Variants in MCF2L observed in about 807,000 individuals in gnomAD.
The protein encoded by MCF2L is MCF.2 cell line derived transforming sequence like.
MCF2L carries 97 observed loss-of-function variants against 153.4 expected under a neutral mutation model. The observed-to-expected ratio is 0.63, with a 90% CI of 0.54 to 0.75. MCF2L has a LOEUF of 0.75. Ranked by LOEUF, MCF2L falls within the 30% of genes least tolerant of loss-of-function variation. MCF2L has a pLI of 0.00. For synonymous variants in MCF2L, 659 were observed against 632.2 expected (o/e 1.04, Z -0.64); for missense variants, 1,347 against 1,495.2 (o/e 0.90, Z 1.64).
chr13:113,075,901 C>G, intron 11 of MCF2L, 65 bp from the exon 12 acceptor site: 1 of 1,345,842 alleles, frequency 7.4e-7, no homozygotes, highest in South Asian at 1.4e-5. Context: ...CAGTGTGTGC[C>G]TGGACAGGGT....
In MCF2L at chr13:113,097,264, C is replaced by G. The variant is rs1341007821; in HGVS notation, c.*405C>G. 5.6e-6 allele frequency: 1 copy of G among 178,982 alleles called. No individual in the cohort carries two copies. Among genetic ancestry groups the G allele is most frequent in the Non-Finnish European group, 1.2e-5 (1 of 86,088 alleles). 11.1% of individuals were successfully genotyped at this position (178,982 alleles called of 1,614,324 possible). A position where few individuals can be genotyped will look rare whatever the true frequency, so the allele number is the denominator to read the frequency against. On this transcript the variant is annotated 3_prime_UTR_variant, in exon 30 of 30. Coordinates refer to ENST00000535094, the MANE Select transcript of MCF2L (RefSeq NM_001112732.3). ...AGAGCGGGGCACGGGGTCTCTTTAG[C>G]TTTTACAAGTTTTAGGATTTTTTCA...
intron 9 of MCF2L, among the ~76,000 whole-genome samples, chr13:113,071,141 G>A (rs926312376): frequency 6.6e-6 from 1 of 152,094 alleles, no homozygotes; most frequent in Admixed American, 6.5e-5. Context: ...CCCCAGTGTT[G>A]ATGGTGCTAA....
At chr13:113,033,553 A>AG (rs982420301) in intron 3 of MCF2L, among the ~76,000 whole-genome samples, 3 of 152,112 alleles carry the variant, frequency 2.0e-5, no homozygotes, top group Non-Finnish European at 4.4e-5. Context: ...ACTGCTGTAA[A>AG]GGGTCGCCCC....
intron 18 of MCF2L, 67 bp from the exon 19 acceptor site, chr13:113,084,825 C>T (rs1041725270): frequency 2.2e-5 from 26 of 1,205,706 alleles, no homozygotes; most frequent in East Asian, 4.7e-5. Flanking sequence ...ATGCGGTGCC[C>T]GTCCCTCACC....
intron 26 of MCF2L, 178 bp downstream of exon 26, chr13:113,089,906 T>C: frequency 6.2e-7 from 1 of 1,603,624 alleles, no homozygotes; most frequent in Non-Finnish European, 8.5e-7. Flanking sequence ...AGCCCCTCCC[T>C]CTCCATTGCT....
intron 2 of MCF2L, among the ~76,000 whole-genome samples, chr13:112,910,850 G>T (rs2081223525): frequency 6.6e-6 from 1 of 152,236 alleles, no homozygotes; most frequent in Non-Finnish European, 1.5e-5. Context: ...GACCTGGGGG[G>T]TGTTAATTAC....
intron 2 of MCF2L, among the ~76,000 whole-genome samples, chr13:112,928,711 C>T (rs142559505): frequency 6.6e-6 from 1 of 152,212 alleles, no homozygotes; most frequent in Non-Finnish European, 1.5e-5. Context: ...GACTAAGAGA[C>T]ACATGTAAAA....
Position 113,010,936 on chromosome 13 carries a change from C to T in MCF2L, c.80-3827C>T, listed in dbSNP as rs560570331. ...GAGTGGCCACTATTGTTCCTCCGTG[C>T]GCTTCTTAGTCTTATGGCTGCAAAA... On this transcript the variant is annotated intron_variant, in intron 1 of 29. Transcript: ENST00000535094. Among the ~76,000 whole-genome samples, 4 of 152,328 alleles carry T rather than the reference C, an allele frequency of 2.6e-5. No homozygotes were observed. In the South Asian group the frequency reaches 6.2e-4, roughly 24 times the overall value.
intron 13 of MCF2L, among the ~76,000 whole-genome samples, chr13:113,077,491 T>A (rs1594949946): frequency 6.6e-6 from 1 of 152,160 alleles, no homozygotes; most frequent in Non-Finnish European, 1.5e-5. Flanking sequence ...GCTGGCAGGG[T>A]TCAGTGGTCT....
chr13:113,072,928 A>T (rs1315024887), intron 9 of MCF2L, among the ~76,000 whole-genome samples: 4 of 152,038 alleles, frequency 2.6e-5, no homozygotes, highest in Non-Finnish European at 4.4e-5. Flanking sequence ...CTTTTCTAAC[A>T]TACATATTTA....
intron 2 of MCF2L, among the ~76,000 whole-genome samples, chr13:112,937,064 T>C (rs1438361015): frequency 6.6e-6 from 1 of 152,200 alleles, no homozygotes; most frequent in Admixed American, 6.5e-5. Flanking sequence ...ATTTTTTTAT[T>C]TATTTTTGAG....
At chr13:113,092,222 C>A (rs114371548) in intron 26 of MCF2L, among the ~76,000 whole-genome samples, 1 of 152,252 alleles carries the variant, frequency 6.6e-6, no homozygotes, top group Non-Finnish European at 1.5e-5. Flanking sequence ...GGCCAAATGC[C>A]GCTTCTGCTG....
At chr13:113,018,817 G>C (rs371003813) in intron 2 of MCF2L, among the ~76,000 whole-genome samples, 4 of 152,236 alleles carry the variant, frequency 2.6e-5, no homozygotes, top group African/African-American at 9.6e-5. Context: ...GCCACTGTGC[G>C]TCTCACTCCC....
intron 15 of MCF2L, among the ~76,000 whole-genome samples, chr13:113,079,377 C>T (rs910857630): frequency 2.0e-5 from 3 of 151,476 alleles, no homozygotes; most frequent in Admixed American, 6.6e-5. Context: ...CAGAGGCCCT[C>T]GAGGAAGAGG....
At chr13:112,940,667 A>G (rs1291809849) in intron 2 of MCF2L, among the ~76,000 whole-genome samples, 1 of 152,242 alleles carries the variant, frequency 6.6e-6, no homozygotes, top group Non-Finnish European at 1.5e-5. Flanking sequence ...TTGCAGTTAG[A>G]ATATATTGTT....
At chr13:113,032,973 ACCCTGTGATGTGAGTGGC>A (rs2085822850) in intron 3 of MCF2L, among the ~76,000 whole-genome samples, 1 of 104,606 alleles carries the variant, frequency 9.6e-6, no homozygotes. Context: ...ATGTGAGTGG[ACCCTGTGATGTGAGTGGC>A]CCCCGTGATG....
rs1290571582 is a variant in MCF2L at position 113,028,351 on chromosome 13, CCT to C, written c.278+3596_278+3597del. ...GGCGGCACGTGTTCATGTGTGCACG[CCT>C]CTGTTTATCCGATGTTCTGGAACCT... On this transcript the variant is annotated intron_variant, in intron 3 of 29. Coordinates refer to ENST00000535094, the MANE Select transcript of MCF2L (RefSeq NM_001112732.3). This position sits in a 1 kb window ranked among gnomAD's most constrained non-coding sequence, Gnocchi z 5.4. Among the ~76,000 whole-genome samples, 1 of 152,200 alleles carries C rather than the reference CCT, an allele frequency of 6.6e-6. No homozygotes were observed. The highest frequency in any genetic ancestry group is 1.9e-4 in the East Asian group (1 of 5,196).
chr13:112,998,195 C>G (rs890491250), intron 1 of MCF2L, among the ~76,000 whole-genome samples: 6 of 152,216 alleles, frequency 3.9e-5, no homozygotes, highest in African/African-American at 1.4e-4. Flanking sequence ...GCACAACACA[C>G]AAATAAAAGG....
At chr13:113,087,500 C>G in intron 22 of MCF2L, 44 bp downstream of exon 22, 1 of 1,484,668 alleles carries the variant, frequency 6.7e-7, no homozygotes, top group Non-Finnish European at 9.2e-7. Context: ...TGGCCACAGA[C>G]CCCGACGGGG....
Sources: gnomAD v4.1 joint callset for allele counts (sites outside exome capture counted in the v4.1 genomes callset) on GRCh38, gnomAD v4.1.1 for gene constraint, Gnocchi (gnomAD v3.1) non-coding constraint, MANE v1.5 for transcripts, NCBI Gene and HGNC (gene_info 2026-07-23, HGNC 2026-07-21) for gene names.